The following GRXCR2 variants were observed in gnomAD, a reference collection of about 807,000 sequenced individuals.
GRXCR2 encodes glutaredoxin and cysteine rich domain containing 2, also known as glutaredoxin domain-containing cysteine-rich protein 2.
Under a neutral mutation model 24.8 loss-of-function variants are expected in GRXCR2, and 23 were observed. The observed-to-expected ratio is 0.93, with a 90% CI of 0.67 to 1.32. The LOEUF (loss-of-function observed/expected upper bound fraction) is 1.32, where lower values mean the gene tolerates loss of function less well. Ranked by LOEUF, GRXCR2 falls within the 40% of genes most tolerant of loss-of-function variation. GRXCR2 has a pLI of 0.00. For synonymous variants in GRXCR2, 130 were observed against 116.1 expected (o/e 1.12, Z -0.77); for missense variants, 315 against 303.4 (o/e 1.04, Z -0.28).
At chr5:145,929,652 T>C (rs1264495117) in intron 2 of GRXCR2, among the ~76,000 whole-genome samples, 1 of 152,224 alleles carries the variant, frequency 6.6e-6, no homozygotes, top group Non-Finnish European at 1.5e-5. Context: ...AATTATTTTC[T>C]AGTAATAATA....
At chr5:145,919,132 T>C (rs956074418) in intron 2 of GRXCR2, among the ~76,000 whole-genome samples, 6 of 152,046 alleles carry the variant, frequency 3.9e-5, no homozygotes, top group African/African-American at 1.5e-4. Context: ...CCTCATTTCT[T>C]CCCCCAGGTC....
chr5:145,866,851 C>A, intron 1 of GRXCR2, 123 bp from the exon 2 acceptor site: 1 of 639,604 alleles, frequency 1.6e-6, no homozygotes, highest in Non-Finnish European at 2.8e-6. Context: ...CATTTTTGAT[C>A]CCATCAGACC....
At chr5:145,930,369 G>A (rs1409003870) in intron 2 of GRXCR2, among the ~76,000 whole-genome samples, 2 of 152,100 alleles carry the variant, frequency 1.3e-5, no homozygotes, top group African/African-American at 4.8e-5. Flanking sequence ...ATAAGCATGA[G>A]CCACTACTCT....
At chr5:145,864,478 T>G (rs11167912) in intron 2 of GRXCR2, among the ~76,000 whole-genome samples, 66,537 of 151,940 alleles carry the variant, frequency 0.44, 16,081 homozygotes, top group Middle Eastern at 0.55. Context: ...CCAAATCTCA[T>G]CTTGAATTGT....
chr5:145,885,181 A>T (rs1756761118), intron 2 of GRXCR2, among the ~76,000 whole-genome samples: 1 of 151,904 alleles, frequency 6.6e-6, no homozygotes, highest in Non-Finnish European at 1.5e-5. Context: ...TCTTTGAAAT[A>T]CTGCTACGGC....
intron 2 of GRXCR2, among the ~76,000 whole-genome samples, chr5:145,888,484 C>T (rs976429986): frequency 6.6e-6 from 1 of 152,130 alleles, no homozygotes; most frequent in Non-Finnish European, 1.5e-5. Context: ...CTGCTAACAA[C>T]CTGTGCAGGT....
chr5:145,897,578 T>C (rs573944139), intron 2 of GRXCR2, among the ~76,000 whole-genome samples: 1 of 152,008 alleles, frequency 6.6e-6, no homozygotes, highest in African/African-American at 2.4e-5. Context: ...ATAAAGCAAG[T>C]CTCAATCAAT....
chr5:145,875,803 C>CT, upstream of GRXCR2, among the ~76,000 whole-genome samples: 1 of 152,284 alleles, frequency 6.6e-6, no homozygotes, highest in Admixed American at 6.5e-5. Flanking sequence ...ACCTTGAACT[C>CT]TCAGCCCTCA....
chr5:145,927,968 C>T (rs1397256019), intron 2 of GRXCR2, among the ~76,000 whole-genome samples: 1 of 152,080 alleles, frequency 6.6e-6, no homozygotes, highest in Admixed American at 6.5e-5. Flanking sequence ...AACAGGCAAC[C>T]TACAGAATGG....
At position 145,872,629 on chromosome 5, in the gene GRXCR2, C is replaced by T. The variant is rs1253746197; in HGVS notation, c.336+4G>A. 1 of 1,587,080 alleles carries T rather than the reference C, an allele frequency of 6.3e-7. No homozygotes were observed. The highest frequency in any genetic ancestry group is 8.6e-7 in the Non-Finnish European group (1 of 1,164,666). ...AAAGCCTATATGCCATGCACAATAC[C>T]AACCTTATGGTCATTCGCCTTGTAA... On this transcript the variant is annotated splice_donor_region_variant and intron_variant, in intron 1 of 2. Transcript: ENST00000377976.
At chr5:145,890,815 T>G (rs1756852990) in intron 2 of GRXCR2, among the ~76,000 whole-genome samples, 1 of 150,596 alleles carries the variant, frequency 6.6e-6, no homozygotes, top group Non-Finnish European at 1.5e-5. Flanking sequence ...CGTTTAAAAG[T>G]CACAGAAGGG....
intron 2 of GRXCR2, among the ~76,000 whole-genome samples, chr5:145,880,073 T>C (rs1390635754): frequency 1.3e-5 from 2 of 152,174 alleles, no homozygotes; most frequent in African/African-American, 4.8e-5. Flanking sequence ...TAGCACTAAA[T>C]GCCCACAAGA....
At chr5:145,923,245 A>T (rs559880708) in intron 2 of GRXCR2, among the ~76,000 whole-genome samples, 104 of 152,338 alleles carry the variant, frequency 6.8e-4, no homozygotes, top group African/African-American at 2.5e-3. Context: ...TCTACTTTAC[A>T]TATAATAAGT....
At chr5:145,883,223 T>C (rs1032988402) in intron 2 of GRXCR2, among the ~76,000 whole-genome samples, 1 of 151,954 alleles carries the variant, frequency 6.6e-6, no homozygotes, top group African/African-American at 2.4e-5. Context: ...TAAAAGTAAA[T>C]ATACTGAAGT....
chr5:145,886,134 G>C (rs1481967040), intron 2 of GRXCR2, among the ~76,000 whole-genome samples: 2 of 152,162 alleles, frequency 1.3e-5, no homozygotes, highest in Non-Finnish European at 2.9e-5. Context: ...TCCATAACAG[G>C]CTTCTGAATA....
chr5:145,922,541 A>G (rs1757337037), intron 2 of GRXCR2, among the ~76,000 whole-genome samples: 1 of 152,246 alleles, frequency 6.6e-6, no homozygotes, highest in African/African-American at 2.4e-5. Context: ...AATGCCAGGC[A>G]CATAGTAAGA....
At chr5:145,883,020 T>C (rs1441272330) in intron 2 of GRXCR2, among the ~76,000 whole-genome samples, 2 of 55,880 alleles carry the variant, frequency 3.6e-5, no homozygotes, top group African/African-American at 1.5e-4. Context: ...CAGGGCCTGT[T>C]GTGGGGTGGG....
At chr5:145,929,198 C>CA (rs1554107328) in intron 2 of GRXCR2, among the ~76,000 whole-genome samples, 2 of 88,420 alleles carry the variant, frequency 2.3e-5, no homozygotes, top group East Asian at 4.1e-4. Flanking sequence ...AATATTCCCC[C>CA]CTATATATAT....
chr5:145,866,602 C>A lies in GRXCR2; in HGVS notation c.463G>T (p.Glu155Ter), dbSNP rs1756441567. 6.2e-7 allele frequency: 1 copy of A among 1,614,072 alleles called. No individual in the cohort carries two copies. Among genetic ancestry groups the A allele is most frequent in the African/African-American group, 1.3e-5 (1 of 75,054 alleles). The change falls in exon 2 of 3, where the codon GAG (glutamate) becomes TAG (stop). Residue 155 changes from glutamate to a stop codon, truncating the protein, a stop_gained. Transcript: ENST00000377976. LOFTEE classifies it high-confidence loss of function. ...ILQKEEEAEE[E>*]SLMNKEESYG... ...CTTTCTTCTTTGTTCATCAGAGACT[C>A]TTCCTCAGCCTCCTCTTCCTTCTGG...
Sources: allele counts gnomAD v4.1 joint callset (sites outside exome capture counted in the v4.1 genomes callset), GRCh38; gene constraint gnomAD v4.1.1; transcripts MANE v1.5; gene names NCBI Gene and HGNC (gene_info 2026-07-23, HGNC 2026-07-21).